CEP70: variants seen among roughly 807,000 people sequenced by gnomAD.
CEP70 encodes centrosomal protein 70, also known as centrosomal protein of 70 kDa.
CEP70 carries 70 observed loss-of-function variants against 90.9 expected under a neutral mutation model. That is an observed-to-expected ratio of 0.77 (90% CI 0.64 to 0.94). CEP70 has a LOEUF of 0.94. CEP70 is among the 40% of genes least tolerant of loss of function. The pLI, the probability that CEP70 is intolerant of heterozygous loss-of-function variation, is 0.00. For missense variants in CEP70, 648 were observed against 669.0 expected (o/e 0.97, Z 0.35); for synonymous variants, 220 against 228.3 (o/e 0.96, Z 0.33).
chr3:138,502,539 GA>G (rs35132741), intron 13 of CEP70, among the ~76,000 whole-genome samples: 10,497 of 140,960 alleles, frequency 0.074, 731 homozygotes, highest in East Asian at 0.38. Flanking sequence ...ACTAGAATTT[GA>G]AAAAAAAAAA....
intron 2 of CEP70, among the ~76,000 whole-genome samples, chr3:138,580,496 G>A (rs2041796294): frequency 6.6e-6 from 1 of 152,162 alleles, no homozygotes; most frequent in African/African-American, 2.4e-5. Flanking sequence ...TAGCTGCAGT[G>A]ACCAAAAACT....
chr3:138,530,597 C>T, intron 8 of CEP70: 1 of 985,364 alleles, frequency 1.0e-6, no homozygotes, highest in Admixed American at 6.1e-5. Context: ...AGGCCCATGT[C>T]CCACCTGTCT....
chr3:138,535,938 T>C (rs1235360404), intron 7 of CEP70, among the ~76,000 whole-genome samples: 1 of 152,130 alleles, frequency 6.6e-6, no homozygotes, highest in Non-Finnish European at 1.5e-5. Flanking sequence ...TATGTGTTTG[T>C]CGTTACTTTT....
At chr3:138,524,974 T>C (rs1395889449) in intron 11 of CEP70, among the ~76,000 whole-genome samples, 2 of 152,206 alleles carry the variant, frequency 1.3e-5, no homozygotes, top group East Asian at 1.9e-4. Context: ...CGTATGTTTA[T>C]TGTGGCACTA....
At chr3:138,573,339 C>T (rs1403338706) in intron 2 of CEP70, among the ~76,000 whole-genome samples, 2 of 150,006 alleles carry the variant, frequency 1.3e-5, no homozygotes, top group Non-Finnish European at 3.0e-5. Flanking sequence ...GACATAAATC[C>T]ACACATTCTA....
At chr3:138,538,149 G>A (rs2038445649) in intron 6 of CEP70, among the ~76,000 whole-genome samples, 1 of 152,138 alleles carries the variant, frequency 6.6e-6, no homozygotes, top group Admixed American at 6.5e-5. Context: ...TCAACCCACA[G>A]AAAGCATCAC....
chr3:138,532,627 C>A (rs575902686), intron 7 of CEP70, 57 bp from the exon 8 acceptor site: 28 of 1,299,348 alleles, frequency 2.2e-5, no homozygotes, highest in Admixed American at 3.2e-5. Context: ...ACAGCATCTA[C>A]TAGTTTCACC....
At chr3:138,529,329 T>C (rs998676700) in intron 9 of CEP70, 42 bp from the exon 10 acceptor site, 5 of 1,563,546 alleles carry the variant, frequency 3.2e-6, no homozygotes, top group Middle Eastern at 1.7e-4. Flanking sequence ...TTTCTTAGAT[T>C]ACTTAGTTTA....
At chr3:138,575,825 T>C (rs920162935) in intron 2 of CEP70, among the ~76,000 whole-genome samples, 68 of 152,256 alleles carry the variant, frequency 4.5e-4, no homozygotes, top group African/African-American at 1.5e-3. Flanking sequence ...GAATTTTCAG[T>C]CCAGAATTTC....
intron 6 of CEP70, among the ~76,000 whole-genome samples, chr3:138,560,372 CG>C (rs2040317633): frequency 6.6e-6 from 1 of 152,166 alleles, no homozygotes; most frequent in Admixed American, 6.5e-5. Flanking sequence ...ACCTGCAGAC[CG>C]GAAGATTCCC....
chr3:138,586,235 G>A (rs926537437), intron 2 of CEP70, among the ~76,000 whole-genome samples: 1 of 152,072 alleles, frequency 6.6e-6, no homozygotes, highest in Non-Finnish European at 1.5e-5. Flanking sequence ...TCGGCTCACT[G>A]CAACCTCTGC....
At position 138,591,890 on chromosome 3, in the gene CEP70, G is replaced by A; in HGVS notation, c.-42C>T. The A allele has an allele frequency of 6.7e-7, 1 of 1,498,156 alleles. No homozygotes were observed. Among genetic ancestry groups the A allele is most frequent in the Non-Finnish European group, 8.9e-7 (1 of 1,126,978 alleles). The allele number at this position is 1,498,156 out of a possible 1,614,324, so 92.8% of individuals were successfully genotyped here. ...CATATTACTCTTGCACTTTACACCT[G>A]GTCATTCAGGTTGATCTCAATGAAA... On this transcript the variant is annotated 5_prime_UTR_variant, in exon 2 of 18. Coordinates refer to ENST00000264982, the MANE Select transcript of CEP70 (RefSeq NM_024491.4).
At chr3:138,549,940 G>T (rs1325597004) in intron 6 of CEP70, among the ~76,000 whole-genome samples, 1 of 152,132 alleles carries the variant, frequency 6.6e-6, no homozygotes, top group Non-Finnish European at 1.5e-5. Context: ...GCCCTTCTGG[G>T]TGGTTAGATC....
chr3:138,537,328 T>G lies in CEP70; in HGVS notation c.485A>C (p.Lys162Thr), dbSNP rs752460831. 22 of 1,595,152 alleles carry G rather than the reference T, an allele frequency of 1.4e-5. No homozygotes were observed. In the Admixed American group the frequency reaches 2.5e-4, roughly 18 times the overall value. The change falls in exon 7 of 18, where the codon AAG becomes ACG. Residue 162 changes from lysine (K) to threonine (T), a missense_variant. Physicochemically the swap from Lys to Thr is moderately conservative, Grantham distance 78. Transcript: ENST00000264982. ...KTLQVKCQHY[K>T]KKRTEQEETI... ...TTCTTCTTGCTCCGTTCGTTTTTTCTTATAATGCTGGCACTTCACCTATAA... is the reference window on the plus strand; with the variant it reads ...TTCTTCTTGCTCCGTTCGTTTTTTCGTATAATGCTGGCACTTCACCTATAA...
intron 7 of CEP70, among the ~76,000 whole-genome samples, chr3:138,534,027 G>A (rs1014467382): frequency 1.4e-4 from 21 of 152,192 alleles, no homozygotes; most frequent in Admixed American, 3.9e-4. Context: ...CTCGTGATCC[G>A]CCCGCCTCGG....
intron 2 of CEP70, 118 bp from the exon 3 acceptor site, chr3:138,573,050 C>A: frequency 1.4e-6 from 1 of 700,302 alleles, no homozygotes; most frequent in South Asian, 1.7e-5. Context: ...GAATCCACTA[C>A]TCTTGCAGGG....
intron 6 of CEP70, among the ~76,000 whole-genome samples, chr3:138,564,889 A>G (rs574459172): frequency 4.9e-4 from 74 of 152,316 alleles, no homozygotes; most frequent in African/African-American, 1.6e-3. Context: ...TTCAAATAGG[A>G]AAAGAGGAAG....
chr3:138,532,557 T>C lies in CEP70; in HGVS notation c.649A>G (p.Ile217Val). Residue 217 changes from isoleucine to valine, a missense_variant, in exon 8 of 18, where the codon ATT (isoleucine) becomes GTT (valine). By Grantham distance (29) the Ile-to-Val change is conservative. Coordinates refer to ENST00000264982, the MANE Select transcript of CEP70 (RefSeq NM_024491.4). Reference sequence around the variant, plus strand: ...CTAATTTTAGATTCATAGTAATCAATTAGACAAAGCAACCTAGAAAACAGA... The same window carrying C: ...CTAATTTTAGATTCATAGTAATCAACTAGACAAAGCAACCTAGAAAACAGA... ...TVLDRQLLCL[I>V]DYYESKIRKI... The C allele has an allele frequency of 6.6e-7, 1 of 1,506,860 alleles. No individual in the cohort carries two copies. Among genetic ancestry groups the C allele is most frequent in the East Asian group, 2.5e-5 (1 of 39,490 alleles). The allele number at this position is 1,506,860 out of a possible 1,614,324, so 93.3% of individuals were successfully genotyped here.
At chr3:138,562,018 G>A (rs575681914) in intron 6 of CEP70, among the ~76,000 whole-genome samples, 113 of 97,202 alleles carry the variant, frequency 1.2e-3, no homozygotes, top group South Asian at 3.0e-3. Flanking sequence ...GCAAGACGCC[G>A]TCTCAAAAAA....
Sources: gnomAD v4.1 joint callset for allele counts (sites outside exome capture counted in the v4.1 genomes callset) on GRCh38, gnomAD v4.1.1 for gene constraint, MANE v1.5 for transcripts, NCBI Gene and HGNC (gene_info 2026-07-23, HGNC 2026-07-21) for gene names.